The following FRYL variants were observed in gnomAD, a reference collection of about 807,000 sequenced individuals.
The protein encoded by FRYL is protein furry homolog-like.
Under a neutral mutation model 351.2 loss-of-function variants are expected in FRYL, and 150 were observed. The ratio of observed to expected loss-of-function variants is 0.43; its 90% CI spans 0.37 to 0.49. The LOEUF is 0.49. FRYL is among the 20% of genes least tolerant of loss of function. FRYL has a pLI of 0.00. For synonymous variants in FRYL, 1,153 were observed against 1,257.1 expected (o/e 0.92, Z 1.75); for missense variants, 3,036 against 3,619.3 (o/e 0.84, Z 4.13).
At chr4:48,672,272 G>C (rs1186837743) in intron 3 of FRYL, among the ~76,000 whole-genome samples, 1 of 152,192 alleles carries the variant, frequency 6.6e-6, no homozygotes, top group African/African-American at 2.4e-5. Context: ...AGTCTGGATG[G>C]AAGTGCCATC....
chr4:48,705,352 C>G (rs1195569781), intron 2 of FRYL, among the ~76,000 whole-genome samples: 1 of 150,528 alleles, frequency 6.6e-6, no homozygotes. Context: ...ATCCAAGTCC[C>G]CATCAATTGG....
intron 13 of FRYL, chr4:48,598,928 G>T: frequency 1.3e-6 from 1 of 751,632 alleles, no homozygotes; most frequent in Non-Finnish European, 1.6e-6. Context: ...GCACATGCAT[G>T]TTAGATGAAA....
intron 20 of FRYL, among the ~76,000 whole-genome samples, chr4:48,581,879 T>C (rs1440100056): frequency 6.6e-6 from 1 of 152,210 alleles, no homozygotes. Flanking sequence ...ATCTGATTTC[T>C]ATGTGGAAAA....
At chr4:48,607,284 G>T (rs1747048223) in intron 9 of FRYL, among the ~76,000 whole-genome samples, 3 of 152,064 alleles carry the variant, frequency 2.0e-5, no homozygotes, top group Non-Finnish European at 2.9e-5. Flanking sequence ...GGGGAAGCCA[G>T]TTCCTTAAAG....
At chr4:48,608,915 C>A in intron 9 of FRYL, 72 bp downstream of exon 9, 1 of 897,110 alleles carries the variant, frequency 1.1e-6, no homozygotes, top group South Asian at 1.3e-5. Flanking sequence ...CTATCAGTAT[C>A]TATTGTATTC....
intron 19 of FRYL, among the ~76,000 whole-genome samples, chr4:48,583,099 G>C (rs17656212): frequency 0.029 from 4,437 of 151,060 alleles, 78 homozygotes; most frequent in Admixed American, 0.047. Context: ...TAGCACTATC[G>C]TCACATTTAT....
chr4:48,693,037 C>G (rs1429825023), intron 2 of FRYL, among the ~76,000 whole-genome samples: 2 of 152,186 alleles, frequency 1.3e-5, no homozygotes, highest in African/African-American at 4.8e-5. Flanking sequence ...TACTCCCCTA[C>G]TGACCTATGT....
chr4:48,505,852 C>T, intron 59 of FRYL: 1 of 422,346 alleles, frequency 2.4e-6, no homozygotes, highest in Non-Finnish European at 4.2e-6. Flanking sequence ...AAACCCATTC[C>T]ATTCTAGGGA....
chr4:48,762,301 A>G (rs1774500188), intron 1 of FRYL, among the ~76,000 whole-genome samples: 1 of 152,244 alleles, frequency 6.6e-6, no homozygotes, highest in African/African-American at 2.4e-5. Context: ...TGACACATAG[A>G]GCCTATTGTT....
At chr4:48,698,448 C>T (rs1287162096) in intron 2 of FRYL, among the ~76,000 whole-genome samples, 3 of 152,204 alleles carry the variant, frequency 2.0e-5, no homozygotes, top group African/African-American at 7.2e-5. Context: ...GATGCTATCA[C>T]ACACCCTCTG....
chr4:48,519,305 T>C (rs1724364302), intron 55 of FRYL, among the ~76,000 whole-genome samples: 1 of 152,124 alleles, frequency 6.6e-6, no homozygotes, highest in Non-Finnish European at 1.5e-5. Flanking sequence ...TGCTTTTAGC[T>C]AGACACATCA....
chr4:48,503,464 G>C (rs768866500), intron 60 of FRYL, among the ~76,000 whole-genome samples: 7 of 152,158 alleles, frequency 4.6e-5, no homozygotes, highest in Admixed American at 2.0e-4. Flanking sequence ...ACTTCAGTAA[G>C]TTTCAGAAAC....
chr4:48,702,853 A>G (rs1336891531), intron 2 of FRYL, among the ~76,000 whole-genome samples: 1 of 152,154 alleles, frequency 6.6e-6, no homozygotes, highest in African/African-American at 2.4e-5. Flanking sequence ...AACATAAACT[A>G]TGATAAATCT....
intron 38 of FRYL, 176 bp downstream of exon 38, chr4:48,550,416 C>T: frequency 1.8e-6 from 1 of 549,950 alleles, no homozygotes. Context: ...AAAATTTCAC[C>T]CAATTACGTT....
chr4:48,617,800 G>C (rs556918805), intron 7 of FRYL: 2 of 152,230 alleles, frequency 1.3e-5, no homozygotes, highest in Non-Finnish European at 2.9e-5. Flanking sequence ...TGACATCTAA[G>C]AAAAGGATGC....
chr4:48,668,419 A>T (rs1455203052), intron 3 of FRYL, among the ~76,000 whole-genome samples: 1 of 152,032 alleles, frequency 6.6e-6, no homozygotes, highest in African/African-American at 2.4e-5. Flanking sequence ...AAAGAAACTA[A>T]GACTGGTTTT....
intron 59 of FRYL, among the ~76,000 whole-genome samples, chr4:48,509,620 A>G (rs1455140996): frequency 1.3e-5 from 2 of 152,234 alleles, no homozygotes; most frequent in Non-Finnish European, 1.5e-5. Flanking sequence ...TTGGACTTGA[A>G]GAAGCCTTTC....
intron 20 of FRYL, among the ~76,000 whole-genome samples, chr4:48,581,807 C>T (rs1418031217): frequency 6.6e-6 from 1 of 152,152 alleles, no homozygotes; most frequent in Non-Finnish European, 1.5e-5. Context: ...AATATGAATT[C>T]TGTACCTAAC....
At chr4:48,595,521 G>A (rs1212696266) in intron 15 of FRYL, 69 bp downstream of exon 15, 5 of 836,632 alleles carry the variant, frequency 6.0e-6, no homozygotes, top group Middle Eastern at 4.6e-4. Flanking sequence ...AAATTTCAAA[G>A]CTCCAAGTGA....
Sources: allele counts gnomAD v4.1 joint callset (sites outside exome capture counted in the v4.1 genomes callset), GRCh38; gene constraint gnomAD v4.1.1; transcripts MANE v1.5; gene names NCBI Gene and HGNC (gene_info 2026-07-23, HGNC 2026-07-21).